CNTN3: variants seen among roughly 807,000 people sequenced by gnomAD.
CNTN3 encodes the protein contactin-3.
Under a neutral mutation model 119.1 loss-of-function variants are expected in CNTN3, and 60 were observed. The observed-to-expected ratio is 0.50, with a 90% confidence interval of 0.41 to 0.62. The LOEUF (loss-of-function observed/expected upper bound fraction) is 0.62. Ranked by LOEUF, CNTN3 falls within the 20% of genes least tolerant of loss-of-function variation. The pLI is 0.00. For synonymous variants in CNTN3, 450 were observed against 438.7 expected, an observed-to-expected ratio of 1.03 and a Z score of -0.32; for missense variants, 1,101 against 1,242.4, an observed-to-expected ratio of 0.89 and a Z score of 1.71.
At chr3:74,523,414 T>C (rs1703571955) in intron 1 of CNTN3, among the ~76,000 whole-genome samples, 1 of 151,892 alleles carries the variant, frequency 6.6e-6, no homozygotes, top group African/African-American at 2.4e-5. Flanking sequence ...CTGATACATA[T>C]ATATGTCTAA....
At chr3:74,597,365 T>G (rs1335157100) in intron 1 of CNTN3, among the ~76,000 whole-genome samples, 2 of 151,998 alleles carry the variant, frequency 1.3e-5, no homozygotes, top group African/African-American at 4.8e-5. Flanking sequence ...TTTCTAGAAC[T>G]ACATGTTATC....
At chr3:74,360,070 G>A (rs757386453) in intron 11 of CNTN3, among the ~76,000 whole-genome samples, 6 of 152,182 alleles carry the variant, frequency 3.9e-5, no homozygotes, top group African/African-American at 2.4e-5. Context: ...TCATCCTGCT[G>A]TGTCTGCCTT....
chr3:74,540,715 T>G (rs888125772), intron 1 of CNTN3, among the ~76,000 whole-genome samples: 1 of 152,164 alleles, frequency 6.6e-6, no homozygotes, highest in Non-Finnish European at 1.5e-5. Flanking sequence ...GCCTCCTACC[T>G]GCCAAAAACT....
At chr3:74,566,297 C>A (rs749827156) in intron 1 of CNTN3, among the ~76,000 whole-genome samples, 4 of 152,080 alleles carry the variant, frequency 2.6e-5, no homozygotes, top group Non-Finnish European at 5.9e-5. Context: ...CTGTTACCAC[C>A]CCCAGGCCAC....
Position 74,386,564 on chromosome 3 carries a change from C to G in CNTN3, c.455-15165G>C, listed in dbSNP as rs114234258. 5.7e-3 allele frequency among the ~76,000 whole-genome samples: 867 copies of G among 152,202 alleles called. 5 individuals carry two copies. The highest frequency in any genetic ancestry group is 0.02 in the African/African-American group (814 of 41,544). On this transcript the variant is annotated intron_variant, in intron 5 of 22. Transcript: ENST00000263665. Reference sequence around the variant, plus strand: ...CACAAAAACAAAACAAAACAGAAAACACATACACAGAAAACAAACAAAGCA... The same window carrying G: ...CACAAAAACAAAACAAAACAGAAAAGACATACACAGAAAACAAACAAAGCA...
At chr3:74,535,738 A>G (rs568947683) in intron 1 of CNTN3, among the ~76,000 whole-genome samples, 1 of 152,174 alleles carries the variant, frequency 6.6e-6, no homozygotes, top group East Asian at 1.9e-4. Flanking sequence ...TTCTAATGAG[A>G]TCTTTCAGTT....
intron 11 of CNTN3, among the ~76,000 whole-genome samples, chr3:74,343,939 CAACA>C (rs1483303338): frequency 6.6e-6 from 1 of 152,148 alleles, no homozygotes; most frequent in African/African-American, 2.4e-5. Flanking sequence ...CTCTGATTTA[CAACA>C]AAAAGACCAA....
At chr3:74,424,396 T>C (rs558078997) in intron 5 of CNTN3, among the ~76,000 whole-genome samples, 4 of 87,722 alleles carry the variant, frequency 4.6e-5, no homozygotes, top group East Asian at 6.0e-4. Context: ...TGTATAAATA[T>C]ATATATATAT....
chr3:74,594,902 C>A (rs528602851), intron 1 of CNTN3, among the ~76,000 whole-genome samples: 183 of 152,112 alleles, frequency 1.2e-3, no homozygotes, highest in South Asian at 2.5e-3. Flanking sequence ...AACTAGTTTA[C>A]AGTCCCACCA....
chr3:74,321,984 G>A (rs994233008), intron 13 of CNTN3, among the ~76,000 whole-genome samples: 18 of 151,992 alleles, frequency 1.2e-4, no homozygotes, highest in African/African-American at 4.1e-4. Context: ...TCAGAAGTTC[G>A]AAATCAGACT....
chr3:74,278,913 A>C lies in CNTN3; in HGVS notation c.2704+6392T>G, dbSNP rs531589854. ...AACGAACTCAAATCAGCGGGAAAAA[A>C]AAACAAACAAAAAATCCCATACAAA... On this transcript the variant is annotated intron_variant, in intron 20 of 22. Coordinates refer to ENST00000263665, the MANE Select transcript of CNTN3 (RefSeq NM_020872.3). Among the ~76,000 whole-genome samples, 22 of 152,270 alleles carry C rather than the reference A, an allele frequency of 1.4e-4. No individual in the cohort carries two copies. In the South Asian group the frequency reaches 4.4e-3, roughly 30 times the overall value.
In CNTN3 at chr3:74,287,226, C is replaced by T. The variant is rs1394619273; in HGVS notation, c.2518-1735G>A. 4.6e-5 allele frequency among the ~76,000 whole-genome samples: 7 copies of T among 152,134 alleles called. No individual in the cohort carries two copies. The East Asian group carries it at 1.4e-3, about 29-fold the overall frequency. On this transcript the variant is annotated intron_variant, in intron 19 of 22. Transcript: ENST00000263665. Reference sequence around the variant, plus strand: ...CAGAATCATAAAACCATTTCACAAACCAATATATTTTTATTTGGGTAAGTA... The same window carrying T: ...CAGAATCATAAAACCATTTCACAAATCAATATATTTTTATTTGGGTAAGTA...
chr3:74,578,319 A>C (rs1704450559), intron 1 of CNTN3, among the ~76,000 whole-genome samples: 1 of 152,032 alleles, frequency 6.6e-6, no homozygotes, highest in Admixed American at 6.5e-5. Context: ...ATGTTTCTCC[A>C]CTGTTGGAAA....
chr3:74,266,447 T>C (rs760692193), intron 22 of CNTN3, 34 bp downstream of exon 22: 1 of 1,597,092 alleles, frequency 6.3e-7, no homozygotes, highest in East Asian at 2.2e-5. Flanking sequence ...AACACTGATG[T>C]CAATAAAGTA....
chr3:74,437,859 T>G (rs1265024370), intron 4 of CNTN3, among the ~76,000 whole-genome samples: 1 of 152,200 alleles, frequency 6.6e-6, no homozygotes, highest in Non-Finnish European at 1.5e-5. Flanking sequence ...AAAATCTCTG[T>G]GCAAAGTACA....
At chr3:74,570,212 A>T (rs1405290393) in intron 1 of CNTN3, among the ~76,000 whole-genome samples, 1 of 152,034 alleles carries the variant, frequency 6.6e-6, no homozygotes, top group Non-Finnish European at 1.5e-5. Context: ...AGACATGTAT[A>T]TGGAGGGGGA....
Position 74,356,201 on chromosome 3 carries a change from G to C in CNTN3, c.1364+5689C>G, listed in dbSNP as rs1308213480. 6.6e-5 allele frequency among the ~76,000 whole-genome samples: 10 copies of C among 152,076 alleles called. No individual in the cohort carries two copies. The East Asian group carries it at 1.9e-3, about 29-fold the overall frequency. ...CAGAGAGTGAGCCCTCACCAGACTG[G>C]TGCCTTGTTCTTAGACTTCCCAGCC... On this transcript the variant is annotated intron_variant, in intron 11 of 22. Transcript: ENST00000263665.
chr3:74,530,788 G>A (rs1049408475), intron 1 of CNTN3, among the ~76,000 whole-genome samples: 5 of 151,950 alleles, frequency 3.3e-5, no homozygotes, highest in Non-Finnish European at 5.9e-5. Context: ...TGTGGGGGCT[G>A]AGAAAGAAGG....
chr3:74,489,719 G>A (rs1702928182), intron 3 of CNTN3, among the ~76,000 whole-genome samples: 1 of 149,600 alleles, frequency 6.7e-6, no homozygotes, highest in African/African-American at 2.5e-5. Flanking sequence ...CTGCTCATTG[G>A]TTTATCAGTT....
Sources: gnomAD v4.1 joint callset for allele counts (sites outside exome capture counted in the v4.1 genomes callset) on GRCh38, gnomAD v4.1.1 for gene constraint, MANE v1.5 for transcripts, NCBI Gene and HGNC (gene_info 2026-07-23, HGNC 2026-07-21) for gene names.